Variants in NR1H4 observed in about 807,000 individuals in gnomAD.
NR1H4 encodes bile acid receptor.
In NR1H4, 23 loss-of-function variants were observed where a neutral mutation model predicts 58.5. The ratio of observed to expected loss-of-function variants is 0.39; its 90% CI spans 0.28 to 0.56. NR1H4 has a LOEUF of 0.56. Ranked by LOEUF, NR1H4 falls within the 20% of genes least tolerant of loss-of-function variation. The pLI, the probability that NR1H4 is intolerant of heterozygous loss-of-function variation, is 0.58. For missense variants in NR1H4, 487 were observed against 576.9 expected, an observed-to-expected ratio of 0.84 and a Z score of 1.60; for synonymous variants, 214 against 198.0, an observed-to-expected ratio of 1.08 and a Z score of -0.68.
At chr12:100,489,699 G>A (rs1953566628) in intron 1 of NR1H4, among the ~76,000 whole-genome samples, 1 of 152,116 alleles carries the variant, frequency 6.6e-6, no homozygotes, top group Non-Finnish European at 1.5e-5. Context: ...ACAATATTCT[G>A]GAAGGATACA....
In NR1H4 at chr12:100,530,467, G is replaced by A. The variant is rs771265953; in HGVS notation, c.446-1991G>A. 3.4e-4 allele frequency among the ~76,000 whole-genome samples: 51 copies of A among 152,170 alleles called. 1 individual carries two copies. The highest frequency in any genetic ancestry group is 8.8e-5 in the Non-Finnish European group (6 of 68,034). On this transcript the variant is annotated intron_variant, in intron 4 of 10. Transcript: ENST00000392986. ...ATTATTCCAACAGTCTGTTAAAATA[G>A]GAAGGACTCCTCTCAATTTTGACAG...
intron 4 of NR1H4, among the ~76,000 whole-genome samples, chr12:100,528,508 T>C (rs961478717): frequency 2.0e-5 from 3 of 152,210 alleles, no homozygotes; most frequent in Non-Finnish European, 4.4e-5. Flanking sequence ...CAGATGGCAA[T>C]GCCAACCCTG....
chr12:100,495,050 C>T (rs148646345), intron 3 of NR1H4, among the ~76,000 whole-genome samples: 4 of 152,230 alleles, frequency 2.6e-5, no homozygotes, highest in Non-Finnish European at 4.4e-5. Context: ...GAAAAAGATG[C>T]CAGTAAATTC....
intron 3 of NR1H4, among the ~76,000 whole-genome samples, chr12:100,500,691 GT>G (rs1314771888): frequency 6.6e-6 from 1 of 152,136 alleles, no homozygotes; most frequent in Non-Finnish European, 1.5e-5. Context: ...ATGATAGTGA[GT>G]GAGTTCTCAT....
intron 3 of NR1H4, 21 bp downstream of exon 3, chr12:100,493,423 G>A: frequency 2.5e-6 from 3 of 1,192,214 alleles, no homozygotes; most frequent in Non-Finnish European, 3.7e-6. Flanking sequence ...AAGTTCATTT[G>A]AATATCAATA....
chr12:100,512,924 A>G (rs565731102), intron 4 of NR1H4, among the ~76,000 whole-genome samples: 8 of 152,350 alleles, frequency 5.3e-5, no homozygotes, highest in African/African-American at 1.9e-4. Context: ...CAAACCTTTG[A>G]AAGTTCAAAT....
chr12:100,492,147 G>A (rs1027674826), intron 1 of NR1H4, among the ~76,000 whole-genome samples: 17 of 152,194 alleles, frequency 1.1e-4, no homozygotes, highest in African/African-American at 4.1e-4. Flanking sequence ...TTTGTTGCAA[G>A]CATTGAATAA....
chr12:100,527,724 C>A (rs1439557777), intron 4 of NR1H4, among the ~76,000 whole-genome samples: 1 of 152,158 alleles, frequency 6.6e-6, no homozygotes, highest in Non-Finnish European at 1.5e-5. Context: ...TCAATTCCCA[C>A]CTATGAGTGA....
In NR1H4 at chr12:100,504,375, C is replaced by T. The variant is rs978865839; in HGVS notation, c.80-6403C>T. Reference sequence around the variant, plus strand: ...GGTAGCATACCATTTTGTTTAAATGCGATGTTTAAAAGTGACCGACACTGT... The same window carrying T: ...GGTAGCATACCATTTTGTTTAAATGTGATGTTTAAAAGTGACCGACACTGT... On this transcript the variant is annotated intron_variant, in intron 3 of 10. Transcript: ENST00000392986. Among the ~76,000 whole-genome samples the T allele has an allele frequency of 6.6e-5, 10 of 151,918 alleles. 1 individual carries two copies. Among genetic ancestry groups the T allele is most frequent in the Non-Finnish European group, 1.0e-4 (7 of 68,000 alleles).
At position 100,496,373 on chromosome 12, in the gene NR1H4, G is replaced by A. The variant is rs188590619; in HGVS notation, c.79+2971G>A. The stretch of plus-strand genomic sequence containing the variant: ...GGTATAGTCAGGAAAGGCCCCTGAG[G>A]AGTCCACAATTGAGCACAGCCTGAA... On this transcript the variant is annotated intron_variant, in intron 3 of 10. Coordinates refer to ENST00000392986, the MANE Select transcript of NR1H4 (RefSeq NM_001206979.2). 2.9e-4 allele frequency among the ~76,000 whole-genome samples: 44 copies of A among 152,264 alleles called. 1 individual carries two copies. The highest frequency in any genetic ancestry group is 8.5e-4 in the Admixed American group (13 of 15,286).
intron 4 of NR1H4, among the ~76,000 whole-genome samples, chr12:100,515,299 G>C (rs1954236563): frequency 6.6e-6 from 1 of 151,388 alleles, no homozygotes; most frequent in Non-Finnish European, 1.5e-5. Context: ...GCCTCCCCGA[G>C]TAGCTGGGCT....
At chr12:100,474,561 A>T (rs1470967326) in intron 1 of NR1H4, among the ~76,000 whole-genome samples, 2 of 152,226 alleles carry the variant, frequency 1.3e-5, no homozygotes, top group Non-Finnish European at 2.9e-5. Flanking sequence ...TCTTGACTTC[A>T]GTTGTAAACT....
chr12:100,492,291 C>T (rs1165386088), intron 1 of NR1H4, among the ~76,000 whole-genome samples: 2 of 152,050 alleles, frequency 1.3e-5, no homozygotes, highest in African/African-American at 2.4e-5. Flanking sequence ...TGGGGAAATC[C>T]TAATGAAATA....
Position 100,540,835 on chromosome 12 carries a change from A to C in NR1H4, c.1078+17A>C. On this transcript the variant is annotated intron_variant, in intron 9 of 10. Coordinates refer to ENST00000392986, the MANE Select transcript of NR1H4 (RefSeq NM_001206979.2). ...GAAATAGTGGTAAGTGATTTGGCTAATGGTAAAAGAGTTTGTTTCTAGGAG... is the reference window on the plus strand; with the variant it reads ...GAAATAGTGGTAAGTGATTTGGCTACTGGTAAAAGAGTTTGTTTCTAGGAG... 1 of 1,613,768 alleles carries C rather than the reference A, an allele frequency of 6.2e-7. No homozygotes were observed. Among genetic ancestry groups the C allele is most frequent in the Non-Finnish European group, 8.5e-7 (1 of 1,179,786 alleles).
At chr12:100,477,810 G>T (rs1566423422) in intron 1 of NR1H4, among the ~76,000 whole-genome samples, 1 of 152,162 alleles carries the variant, frequency 6.6e-6, no homozygotes, top group Non-Finnish European at 1.5e-5. Flanking sequence ...AATTTGCAGG[G>T]CAGAGACAGG....
At chr12:100,485,475 T>C (rs2136085118) in intron 1 of NR1H4, among the ~76,000 whole-genome samples, 1 of 152,348 alleles carries the variant, frequency 6.6e-6, no homozygotes, top group East Asian at 1.9e-4. Context: ...TTTTGCTCAA[T>C]ATGATGTTTC....
At chr12:100,545,667 A>C (rs921238194) in intron 9 of NR1H4, among the ~76,000 whole-genome samples, 12 of 145,754 alleles carry the variant, frequency 8.2e-5, no homozygotes, top group Admixed American at 1.4e-4. Flanking sequence ...AAAAAAAAAA[A>C]AACCAAACGG....
rs554546400 is a variant in NR1H4, at chr12:100,479,635, C to T, written c.-190+5576C>T. 2.6e-5 allele frequency among the ~76,000 whole-genome samples: 4 copies of T among 152,356 alleles called. No homozygotes were observed. In the South Asian group the frequency reaches 8.3e-4, roughly 32 times the overall value. On this transcript the variant is annotated intron_variant, in intron 1 of 10. Coordinates refer to ENST00000392986, the MANE Select transcript of NR1H4 (RefSeq NM_001206979.2). ...CCTCCACGCTCAGAAAGATTTCCCT[C>T]ATTCTCCTCACTATACCCTTGTTTA...
At chr12:100,493,496 C>A in intron 3 of NR1H4, 94 bp downstream of exon 3, 1 of 711,872 alleles carries the variant, frequency 1.4e-6, no homozygotes, top group South Asian at 1.5e-5. Context: ...AGCCCAGGGT[C>A]AAGAACATGT....
Sources: allele counts gnomAD v4.1 joint callset (sites outside exome capture counted in the v4.1 genomes callset), GRCh38; gene constraint gnomAD v4.1.1; transcripts MANE v1.5; gene names NCBI Gene and HGNC (gene_info 2026-07-23, HGNC 2026-07-21).